Variants in RSU1 observed in about 807,000 individuals in gnomAD.
RSU1 encodes Ras suppressor protein 1, also known as rsu-1.
A neutral mutation model predicts 31.1 loss-of-function variants in RSU1; 26 were observed. The ratio of observed to expected loss-of-function variants is 0.84; its 90% CI spans 0.61 to 1.16. The LOEUF is 1.16. Ranked by LOEUF, RSU1 falls within the 50% of genes most tolerant of loss-of-function variation. RSU1 has a pLI of 0.00. For missense variants in RSU1, 320 were observed against 339.1 expected (o/e 0.94, Z 0.44); for synonymous variants, 164 against 136.3 (o/e 1.20, Z -1.41).
rs531684306 is a variant in RSU1 at position 16,629,700 on chromosome 10, C to T, written c.732-36204G>A. 5.9e-4 allele frequency among the ~76,000 whole-genome samples: 90 copies of T among 152,250 alleles called. 1 individual carries two copies. The highest frequency in any genetic ancestry group is 7.5e-4 in the Non-Finnish European group (51 of 68,016). On this transcript the variant is annotated intron_variant, in intron 8 of 8. Transcript: ENST00000345264. The stretch of plus-strand genomic sequence containing the variant: ...TCCTCCCTCAACCATACTTGTTCTG[C>T]TCTGGAACAATGGAATTTATGTATC...
At chr10:16,691,186 T>G (rs1361389470) in intron 8 of RSU1, among the ~76,000 whole-genome samples, 1 of 152,170 alleles carries the variant, frequency 6.6e-6, no homozygotes, top group African/African-American at 2.4e-5. Flanking sequence ...CTAATTCGCA[T>G]AATATTTTTC....
chr10:16,797,947 C>T (rs1019089109), intron 2 of RSU1, among the ~76,000 whole-genome samples: 5 of 149,614 alleles, frequency 3.3e-5, no homozygotes, highest in African/African-American at 5.0e-5. Context: ...CTGTAACCTC[C>T]GCCTCTCGGG....
intron 8 of RSU1, among the ~76,000 whole-genome samples, chr10:16,685,313 C>G (rs1835421239): frequency 6.6e-6 from 1 of 152,102 alleles, no homozygotes; most frequent in Admixed American, 6.6e-5. Context: ...GGGTCGCGAT[C>G]CAGACCCTAA....
chr10:16,709,395 T>C (rs1231071863), intron 7 of RSU1, among the ~76,000 whole-genome samples: 2 of 152,234 alleles, frequency 1.3e-5, no homozygotes, highest in Non-Finnish European at 2.9e-5. Flanking sequence ...CAGTCTATCA[T>C]TGTTGGACAT....
intron 8 of RSU1, among the ~76,000 whole-genome samples, chr10:16,675,530 A>C (rs1835211376): frequency 6.6e-6 from 1 of 152,184 alleles, no homozygotes; most frequent in African/African-American, 2.4e-5. Context: ...CACACTTGGC[A>C]GCCAATTCCA....
At chr10:16,748,266 G>C (rs1458030292) in intron 7 of RSU1, 1 of 152,168 alleles carries the variant, frequency 6.6e-6, no homozygotes, top group Non-Finnish European at 1.5e-5. Flanking sequence ...GGGATTGCAG[G>C]GGGGACATCC....
rs76800696 is a variant in RSU1 at position 16,719,522 on chromosome 10, G to T, written c.599-24367C>A. 1.2e-4 allele frequency among the ~76,000 whole-genome samples: 19 copies of T among 152,228 alleles called. No individual in the cohort carries two copies. The East Asian group carries it at 3.7e-3, about 29-fold the overall frequency. ...TATTTGCTGTCACCTCTTCAGAGACGCCTCCTGGATGTCTCCACTAAAAGT... is the reference window on the plus strand; with the variant it reads ...TATTTGCTGTCACCTCTTCAGAGACTCCTCCTGGATGTCTCCACTAAAAGT... On this transcript the variant is annotated intron_variant, in intron 7 of 8. Transcript: ENST00000345264.
At chr10:16,714,049 G>A (rs1836075736) in intron 7 of RSU1, among the ~76,000 whole-genome samples, 1 of 152,188 alleles carries the variant, frequency 6.6e-6, no homozygotes, top group Non-Finnish European at 1.5e-5. Flanking sequence ...GTGTTGGGCT[G>A]GCTGTTGGGC....
At chr10:16,705,482 TC>T (rs1206615822) in intron 7 of RSU1, among the ~76,000 whole-genome samples, 5 of 152,164 alleles carry the variant, frequency 3.3e-5, no homozygotes, top group Non-Finnish European at 5.9e-5. Flanking sequence ...TTGTTTTTTT[TC>T]CCCATGCATT....
At chr10:16,792,886 A>G (rs546334587) in intron 2 of RSU1, among the ~76,000 whole-genome samples, 50 of 152,200 alleles carry the variant, frequency 3.3e-4, no homozygotes, top group Non-Finnish European at 6.3e-4. Flanking sequence ...GCCAGATGTC[A>G]GCACCGGGCA....
intron 2 of RSU1, among the ~76,000 whole-genome samples, chr10:16,799,138 A>G (rs1443523136): frequency 1.1e-4 from 16 of 152,214 alleles, no homozygotes; most frequent in Admixed American, 4.6e-4. Context: ...GGAAATGGCT[A>G]TATGTGCTGA....
intron 3 of RSU1, 86 bp downstream of exon 3, chr10:16,781,948 T>G: frequency 1.8e-6 from 2 of 1,115,496 alleles, no homozygotes; most frequent in Non-Finnish European, 2.7e-6. Flanking sequence ...TTCATTAGTT[T>G]CTCCCAAGGA....
chr10:16,733,444 G>T (rs913639708), intron 7 of RSU1, among the ~76,000 whole-genome samples: 1 of 151,822 alleles, frequency 6.6e-6, no homozygotes, highest in African/African-American at 2.4e-5. Flanking sequence ...GGAGGCAGAG[G>T]GTGCAGTGAA....
chr10:16,654,647 T>C (rs1423206860), intron 8 of RSU1, among the ~76,000 whole-genome samples: 2 of 145,402 alleles, frequency 1.4e-5, no homozygotes, highest in Non-Finnish European at 3.0e-5. Context: ...CCAGCCTGAG[T>C]GACAGAGTGA....
At chr10:16,781,646 G>A (rs926705270) in intron 3 of RSU1, among the ~76,000 whole-genome samples, 1 of 152,150 alleles carries the variant, frequency 6.6e-6, no homozygotes, top group Non-Finnish European at 1.5e-5. Flanking sequence ...ACCACTTCCA[G>A]AGCAACAATG....
intron 8 of RSU1, among the ~76,000 whole-genome samples, chr10:16,663,352 T>C (rs182872722): frequency 6.6e-6 from 1 of 152,266 alleles, no homozygotes; most frequent in East Asian, 1.9e-4. Context: ...CCTGGAAAGA[T>C]GAAGGGATTG....
chr10:16,742,315 T>C (rs1271459880), intron 7 of RSU1, among the ~76,000 whole-genome samples: 2 of 152,172 alleles, frequency 1.3e-5, no homozygotes, highest in African/African-American at 4.8e-5. Context: ...TATGAAAGAC[T>C]GATCCATGAT....
Position 16,765,978 on chromosome 10 carries a change from C to A in RSU1, c.161-1468G>T, listed in dbSNP as rs78498041. Among the ~76,000 whole-genome samples the A allele has an allele frequency of 8.0e-3, 1,212 of 152,318 alleles. 8 individuals carry two copies. Among genetic ancestry groups the A allele is most frequent in the Non-Finnish European group, 0.015 (1,009 of 68,030 alleles). Reference sequence around the variant, plus strand: ...ATTTCAAGACGACCAATTGATAACTCCCAGGGGAACAAAAGTAAAGGGACA... The same window carrying A: ...ATTTCAAGACGACCAATTGATAACTACCAGGGGAACAAAAGTAAAGGGACA... On this transcript the variant is annotated intron_variant, in intron 3 of 8. Transcript: ENST00000345264.
chr10:16,676,057 T>G (rs1835224821), intron 8 of RSU1, among the ~76,000 whole-genome samples: 1 of 151,978 alleles, frequency 6.6e-6, no homozygotes, highest in African/African-American at 2.4e-5. Context: ...AAGCCAGGAG[T>G]CCATCCTCAA....
Sources: gnomAD v4.1 joint callset for allele counts (sites outside exome capture counted in the v4.1 genomes callset) on GRCh38, gnomAD v4.1.1 for gene constraint, MANE v1.5 for transcripts, NCBI Gene and HGNC (gene_info 2026-07-23, HGNC 2026-07-21) for gene names.